UBE2G1: variants seen among roughly 807,000 people sequenced by gnomAD.
UBE2G1 encodes ubiquitin-conjugating enzyme E2 G1.
UBE2G1 carries 5 observed loss-of-function variants against 22.7 expected under a neutral mutation model. The ratio of observed to expected loss-of-function variants is 0.22; its 90% CI spans 0.12 to 0.46. The LOEUF (loss-of-function observed/expected upper bound fraction) is 0.46. Ranked by LOEUF, UBE2G1 falls within the 20% of genes least tolerant of loss-of-function variation. The pLI is 0.99. For missense variants in UBE2G1, 88 were observed against 203.9 expected, an observed-to-expected ratio of 0.43 and a Z score of 3.46; for synonymous variants, 74 against 67.5, an observed-to-expected ratio of 1.10 and a Z score of -0.47.
intron 1 of UBE2G1, among the ~76,000 whole-genome samples, chr17:4,335,630 G>A (rs916674209): frequency 1.1e-4 from 16 of 152,116 alleles, no homozygotes; most frequent in African/African-American, 3.9e-4. Context: ...TCTATTCTAA[G>A]ATGTACCTTT....
At chr17:4,320,809 T>G (rs993699934) in intron 1 of UBE2G1, among the ~76,000 whole-genome samples, 8 of 152,146 alleles carry the variant, frequency 5.3e-5, no homozygotes, top group Non-Finnish European at 1.2e-4. Context: ...GTATAACTGA[T>G]GGCCACTTAG....
chr17:4,309,084 AC>A (rs1419666408), intron 1 of UBE2G1, among the ~76,000 whole-genome samples: 1 of 152,074 alleles, frequency 6.6e-6, no homozygotes, highest in Admixed American at 6.5e-5. Flanking sequence ...ACATGGTGAA[AC>A]CCTGTCTTTA....
At chr17:4,304,370 T>C (rs1010792922) in intron 2 of UBE2G1, among the ~76,000 whole-genome samples, 2 of 152,200 alleles carry the variant, frequency 1.3e-5, no homozygotes, top group Admixed American at 1.3e-4. Context: ...TGGTTATCCA[T>C]ACTGTTTGAT....
At chr17:4,330,912 TC>T (rs1215971604) in intron 1 of UBE2G1, among the ~76,000 whole-genome samples, 1 of 150,780 alleles carries the variant, frequency 6.6e-6, no homozygotes, top group African/African-American at 2.5e-5. Context: ...AAATAAAATT[TC>T]TAAATGCCAA....
chr17:4,338,792 C>G (rs1281097332), intron 1 of UBE2G1, among the ~76,000 whole-genome samples: 4 of 152,138 alleles, frequency 2.6e-5, no homozygotes, highest in African/African-American at 9.7e-5. Context: ...GCCGATCAAT[C>G]AGAAAAAATG....
At chr17:4,304,217 T>TC (rs1969222759) in intron 2 of UBE2G1, among the ~76,000 whole-genome samples, 1 of 152,108 alleles carries the variant, frequency 6.6e-6, no homozygotes, top group Non-Finnish European at 1.5e-5. Flanking sequence ...GAAGCTGGTC[T>TC]CCAACGTCTG....
chr17:4,324,830 C>A (rs897813023), intron 1 of UBE2G1, among the ~76,000 whole-genome samples: 2 of 152,092 alleles, frequency 1.3e-5, no homozygotes, highest in African/African-American at 2.4e-5. Context: ...GTAATCCCAG[C>A]ATTTTGGGAG....
At chr17:4,302,288 G>C in intron 2 of UBE2G1, 1 of 472,866 alleles carries the variant, frequency 2.1e-6, no homozygotes, top group Non-Finnish European at 4.3e-6. Context: ...ACACGGGGAA[G>C]AACAGCATCT....
intron 1 of UBE2G1, among the ~76,000 whole-genome samples, chr17:4,330,698 T>C (rs1026717367): frequency 1.3e-5 from 2 of 151,720 alleles, no homozygotes; most frequent in Non-Finnish European, 2.9e-5. Context: ...GATCGCACCA[T>C]TGCGCTCCAG....
intron 1 of UBE2G1, 54 bp from the exon 2 acceptor site, chr17:4,307,177 G>A (rs1969257849): frequency 7.0e-7 from 1 of 1,435,808 alleles, no homozygotes; most frequent in Non-Finnish European, 9.8e-7. Context: ...TTTGCATCCA[G>A]TAGATAAATT....
intron 1 of UBE2G1, among the ~76,000 whole-genome samples, chr17:4,324,528 A>G (rs560729798): frequency 6.6e-6 from 1 of 152,286 alleles, no homozygotes; most frequent in East Asian, 1.9e-4. Flanking sequence ...TTTCTATTAG[A>G]TAGTACTGCT....
At chr17:4,340,892 T>C (rs1267860319) in intron 1 of UBE2G1, among the ~76,000 whole-genome samples, 1 of 128,078 alleles carries the variant, frequency 7.8e-6, no homozygotes, top group Non-Finnish European at 1.5e-5. Flanking sequence ...AATTCACGTA[T>C]TTAAAAAAAA....
chr17:4,322,898 T>A (rs1046144677), intron 1 of UBE2G1, among the ~76,000 whole-genome samples: 4 of 152,052 alleles, frequency 2.6e-5, no homozygotes, highest in Non-Finnish European at 5.9e-5. Context: ...GCAATGTGCA[T>A]TTCATATCTC....
intron 1 of UBE2G1, among the ~76,000 whole-genome samples, chr17:4,313,968 C>G (rs1476109992): frequency 1.3e-5 from 2 of 151,936 alleles, no homozygotes; most frequent in African/African-American, 4.8e-5. Flanking sequence ...AGCAGACTTG[C>G]TAAGATAGAG....
intron 4 of UBE2G1, among the ~76,000 whole-genome samples, chr17:4,288,563 T>G (rs1192101462): frequency 6.6e-6 from 1 of 152,116 alleles, no homozygotes; most frequent in Non-Finnish European, 1.5e-5. Context: ...TTAACTACTG[T>G]AGGACTTTGC....
intron 1 of UBE2G1, among the ~76,000 whole-genome samples, chr17:4,364,642 G>A (rs1187779596): frequency 6.8e-6 from 1 of 146,220 alleles, no homozygotes. Flanking sequence ...AAGCAATGGC[G>A]CGATCTCAGC....
intron 1 of UBE2G1, among the ~76,000 whole-genome samples, chr17:4,351,911 G>A (rs1969848616): frequency 6.6e-6 from 1 of 152,156 alleles, no homozygotes; most frequent in Non-Finnish European, 1.5e-5. Flanking sequence ...ATAGTTATTA[G>A]TTCCCCTTCC....
At chr17:4,300,205 TAC>T (rs1444447412) in intron 2 of UBE2G1, among the ~76,000 whole-genome samples, 1 of 152,066 alleles carries the variant, frequency 6.6e-6, no homozygotes, top group Non-Finnish European at 1.5e-5. Context: ...CACTGTAGAC[TAC>T]ACATTAACAT....
intron 1 of UBE2G1, among the ~76,000 whole-genome samples, chr17:4,313,908 T>C (rs1480653512): frequency 6.6e-6 from 1 of 152,136 alleles, no homozygotes; most frequent in African/African-American, 2.4e-5. Flanking sequence ...CAAGGTAGTG[T>C]CCTTGAGAGT....
Sources: allele counts gnomAD v4.1 joint callset (sites outside exome capture counted in the v4.1 genomes callset), GRCh38; gene constraint gnomAD v4.1.1; transcripts MANE v1.5; gene names NCBI Gene and HGNC (gene_info 2026-07-23, HGNC 2026-07-21).